The following FHIT variants were observed in gnomAD, a reference collection of about 807,000 sequenced individuals.
The protein encoded by FHIT is bis(5'-adenosyl)-triphosphatase.
In FHIT, 19 loss-of-function variants were observed where a neutral mutation model predicts 17.9. The observed-to-expected ratio is 1.06, with a 90% CI of 0.74 to 1.56. FHIT has a LOEUF of 1.56. FHIT is among the 40% of genes most tolerant of loss of function. The pLI is 0.00. For missense variants in FHIT, 248 were observed against 189.2 expected, an observed-to-expected ratio of 1.31 and a Z score of -1.82; for synonymous variants, 81 against 69.7, an observed-to-expected ratio of 1.16 and a Z score of -0.81.
chr3:61,037,331 C>T (rs985838218), intron 3 of FHIT, among the ~76,000 whole-genome samples: 6 of 152,056 alleles, frequency 3.9e-5, no homozygotes, highest in Admixed American at 2.0e-4. Flanking sequence ...CAGGGAGTGT[C>T]GCTTAACCTT....
intron 1 of FHIT, among the ~76,000 whole-genome samples, chr3:61,234,248 G>A (rs2040173882): frequency 6.6e-6 from 1 of 152,130 alleles, no homozygotes. Context: ...TACTCCTACA[G>A]CTTTACAACG....
At chr3:60,661,208 C>T (rs1553691082) in intron 4 of FHIT, among the ~76,000 whole-genome samples, 2 of 152,098 alleles carry the variant, frequency 1.3e-5, no homozygotes, top group African/African-American at 4.8e-5. Context: ...TCACCTCCCT[C>T]CTCCCTCACT....
At chr3:60,108,996 T>G (rs1368347987) in intron 5 of FHIT, among the ~76,000 whole-genome samples, 2 of 152,170 alleles carry the variant, frequency 1.3e-5, no homozygotes, top group African/African-American at 4.8e-5. Flanking sequence ...GAGTTCTCAT[T>G]GTTAATCTGG....
In FHIT at chr3:60,699,214, G is replaced by A. The variant is rs558275518; in HGVS notation, c.-18+122705C>T. On this transcript the variant is annotated intron_variant, in intron 4 of 9. Transcript: ENST00000492590. The stretch of plus-strand genomic sequence containing the variant: ...CCACTACTGTAAACAAAATTGAAAT[G>A]AGCATCCATACACACATCTTTGCAG... Among the ~76,000 whole-genome samples the A allele has an allele frequency of 1.1e-4, 17 of 152,220 alleles. No homozygotes were observed. The South Asian group carries it at 2.9e-3, about 26-fold the overall frequency.
At chr3:60,851,980 G>A (rs782173581) in intron 3 of FHIT, among the ~76,000 whole-genome samples, 25 of 152,096 alleles carry the variant, frequency 1.6e-4, no homozygotes, top group Non-Finnish European at 3.5e-4. Context: ...GGGCCATGAG[G>A]TGCCCAGATA....
At chr3:60,387,962 G>GC (rs1701076206) in intron 5 of FHIT, among the ~76,000 whole-genome samples, 1 of 152,034 alleles carries the variant, frequency 6.6e-6, no homozygotes, top group African/African-American at 2.4e-5. Flanking sequence ...GTTAAAAGGA[G>GC]CCTGACACCT....
intron 5 of FHIT, among the ~76,000 whole-genome samples, chr3:60,396,899 A>C (rs1209077716): frequency 6.6e-6 from 1 of 152,304 alleles, no homozygotes; most frequent in East Asian, 1.9e-4. Flanking sequence ...CATTTAAAGA[A>C]TCACTATAAA....
At chr3:60,182,576 G>C (rs533596165) in intron 5 of FHIT, among the ~76,000 whole-genome samples, 60 of 151,992 alleles carry the variant, frequency 3.9e-4, no homozygotes, top group African/African-American at 1.3e-3. Context: ...CCAGAGTTTT[G>C]AGACCAGCCT....
chr3:60,890,591 T>A (rs2107172924), intron 3 of FHIT, among the ~76,000 whole-genome samples: 1 of 152,330 alleles, frequency 6.6e-6, no homozygotes, highest in East Asian at 1.9e-4. Context: ...CATCTAAACT[T>A]GGTACAATAA....
intron 4 of FHIT, among the ~76,000 whole-genome samples, chr3:60,659,628 T>C (rs1239336528): frequency 6.6e-6 from 1 of 152,182 alleles, no homozygotes; most frequent in African/African-American, 2.4e-5. Flanking sequence ...TTTTACTTTT[T>C]CTGAATCTCT....
intron 4 of FHIT, among the ~76,000 whole-genome samples, chr3:60,563,117 G>A (rs1256170136): frequency 6.6e-6 from 1 of 152,150 alleles, no homozygotes; most frequent in African/African-American, 2.4e-5. Context: ...CAGAGAGAGT[G>A]GACAATAGCC....
chr3:60,556,766 C>A (rs923789849), intron 4 of FHIT, among the ~76,000 whole-genome samples: 2 of 152,236 alleles, frequency 1.3e-5, no homozygotes, highest in African/African-American at 2.4e-5. Flanking sequence ...AGTGGCATCA[C>A]CTAGGTGTGT....
chr3:59,800,546 G>C (rs989945772), intron 8 of FHIT, among the ~76,000 whole-genome samples: 1 of 152,184 alleles, frequency 6.6e-6, no homozygotes, highest in South Asian at 2.1e-4. Context: ...TTTTCAAAAT[G>C]AGTTTAAAGC....
intron 5 of FHIT, among the ~76,000 whole-genome samples, chr3:60,311,030 G>T (rs1317080721): frequency 6.6e-6 from 1 of 152,014 alleles, no homozygotes; most frequent in East Asian, 1.9e-4. Context: ...TGGAGCATTG[G>T]TACAATATTA....
chr3:59,952,631 C>T (rs138749903), intron 7 of FHIT, among the ~76,000 whole-genome samples: 1 of 152,342 alleles, frequency 6.6e-6, no homozygotes, highest in African/African-American at 2.4e-5. Context: ...GTATTAAGCT[C>T]TGAAGTTAGC....
At chr3:61,006,321 T>A (rs1217320776) in intron 3 of FHIT, among the ~76,000 whole-genome samples, 1 of 152,214 alleles carries the variant, frequency 6.6e-6, no homozygotes, top group Non-Finnish European at 1.5e-5. Flanking sequence ...TTCTTCCTTT[T>A]ATCATTTGAA....
chr3:60,313,458 C>T (rs576799748), intron 5 of FHIT, among the ~76,000 whole-genome samples: 2 of 152,224 alleles, frequency 1.3e-5, no homozygotes, highest in East Asian at 1.9e-4. Flanking sequence ...AGCAGGCTAA[C>T]GACTAGAGCT....
intron 5 of FHIT, among the ~76,000 whole-genome samples, chr3:60,081,113 A>G (rs1426134895): frequency 6.6e-6 from 1 of 152,068 alleles, no homozygotes; most frequent in Non-Finnish European, 1.5e-5. Flanking sequence ...TCTTAGAGGA[A>G]TGCAGTGCTT....
chr3:59,927,864 T>C (rs1335541087), intron 7 of FHIT, among the ~76,000 whole-genome samples: 2 of 152,184 alleles, frequency 1.3e-5, no homozygotes, highest in Non-Finnish European at 2.9e-5. Flanking sequence ...AATGCCATCA[T>C]TTTTAGAGGC....
Sources: allele counts gnomAD v4.1 joint callset (sites outside exome capture counted in the v4.1 genomes callset), GRCh38; gene constraint gnomAD v4.1.1; transcripts MANE v1.5; gene names NCBI Gene and HGNC (gene_info 2026-07-23, HGNC 2026-07-21).